The following ECEL1 variants were observed in gnomAD, a reference collection of about 807,000 sequenced individuals.
ECEL1 encodes endothelin converting enzyme like 1.
Under a neutral mutation model 101.8 loss-of-function variants are expected in ECEL1, and 87 were observed. That is an observed-to-expected ratio of 0.85 (90% CI 0.72 to 1.02). The LOEUF is 1.02. Ranked by LOEUF, ECEL1 falls within the 50% of genes least tolerant of loss-of-function variation. The pLI, the probability that ECEL1 is intolerant of heterozygous loss-of-function variation, is 0.00. For missense variants in ECEL1, 1,032 were observed against 1,079.2 expected, an observed-to-expected ratio of 0.96 and a Z score of 0.61; for synonymous variants, 487 against 468.7, an observed-to-expected ratio of 1.04 and a Z score of -0.50.
intron 16 of ECEL1, 100 bp downstream of exon 16, chr2:232,480,618 A>G (rs1473070777): frequency 5.0e-5 from 75 of 1,502,042 alleles, no homozygotes; most frequent in Non-Finnish European, 6.6e-5. Context: ...GATGACAGAC[A>G]GGCTGTCCAT....
intron 12 of ECEL1, 72 bp from the exon 13 acceptor site, chr2:232,481,921 C>CAT: frequency 1.3e-6 from 2 of 1,597,150 alleles, no homozygotes. Flanking sequence ...GCCCAGGCCC[C>CAT]AGATGTCCCC....
chr2:232,484,402 A>C, intron 6 of ECEL1, 70 bp downstream of exon 6: 1 of 1,595,226 alleles, frequency 6.3e-7, no homozygotes. Flanking sequence ...CCCACCCAGC[A>C]GAGAGGTCCA....
chr2:232,481,939 G>A, intron 12 of ECEL1, 90 bp from the exon 13 acceptor site: 1 of 1,570,556 alleles, frequency 6.4e-7, no homozygotes, highest in South Asian at 1.1e-5. Flanking sequence ...CCCTGGCCGG[G>A]CCAGGAGGTG....
intron 1 of ECEL1, among the ~76,000 whole-genome samples, 196 bp downstream of exon 1, chr2:232,487,523 G>A (rs1559278384): frequency 6.6e-6 from 1 of 151,988 alleles, no homozygotes; most frequent in Non-Finnish European, 1.5e-5. Flanking sequence ...GCTGGCTGGC[G>A]ACCCCCGAGC....
At chr2:232,483,904 G>A in intron 7 of ECEL1, 97 bp downstream of exon 7, 2 of 1,342,534 alleles carry the variant, frequency 1.5e-6, no homozygotes, top group Non-Finnish European at 2.0e-6. Context: ...CCTGCCTGCA[G>A]GGGACATGTG....
intron 12 of ECEL1, among the ~76,000 whole-genome samples, chr2:232,482,129 G>A (rs372484544): frequency 6.6e-6 from 1 of 152,236 alleles, no homozygotes; most frequent in Admixed American, 6.5e-5. Context: ...AGGCACCTAC[G>A]TAGGGGTTTC....
Position 232,486,620 on chromosome 2 carries a change from C to A in ECEL1, c.34G>T (p.Asp12Tyr). The A allele has an allele frequency of 6.6e-7, 1 of 1,525,810 alleles. No individual in the cohort carries two copies. The highest frequency in any genetic ancestry group is 8.7e-7 in the Non-Finnish European group (1 of 1,147,228). The allele number at this position is 1,525,810 out of a possible 1,614,324, so 94.5% of individuals were successfully genotyped here. A position where few individuals can be genotyped will look rare whatever the true frequency, so the allele number is the denominator to read the frequency against. ...EPPYSLTAHY[D>Y]EFQEVKYVSR... ...ACGTACTTGACCTCTTGGAACTCAT[C>A]GTAGTGCGCCGTCAGCGAATACGGG... Residue 12 changes from aspartate (D) to tyrosine (Y), a missense_variant, in exon 2 of 18, where the codon GAT becomes TAT. Physicochemically the swap from Asp to Tyr is radical, Grantham distance 160. Transcript: ENST00000304546.
chr2:232,484,530 G>A lies in ECEL1; in HGVS notation c.1126C>T (p.Leu376=), dbSNP rs773142106. The change falls in exon 6 of 18, where the codon CTG becomes TTG. Residue 376 remains leucine, a synonymous_variant. Transcript: ENST00000304546. ...EDFSEEEEVV[L]LATDYMQQVS... ...TGCTGCATGTAGTCTGTCGCCAGCA[G>A]CACCACCTCCTCTTCCTCTGAGAAG... The A allele has an allele frequency of 1.2e-6, 2 of 1,613,938 alleles. No individual in the cohort carries two copies. Among genetic ancestry groups the A allele is most frequent in the African/African-American group, 1.3e-5 (1 of 75,052 alleles).
At chr2:232,484,327 C>T (rs1003379745) in intron 6 of ECEL1, 104 bp from the exon 7 acceptor site, 16 of 1,558,300 alleles carry the variant, frequency 1.0e-5, no homozygotes, top group Non-Finnish European at 1.4e-5. Context: ...GGACCCAGGA[C>T]CCAGACAGCC....
At chr2:232,480,558 G>GCTA (rs1690551838) in intron 16 of ECEL1, 83 bp from the exon 17 acceptor site, 1 of 1,568,366 alleles carries the variant, frequency 6.4e-7, no homozygotes, top group African/African-American at 1.4e-5. Context: ...AGCACACAAG[G>GCTA]CGGTAGGCCC....
In ECEL1 at chr2:232,480,953, C is replaced by T. The variant is rs536881699; in HGVS notation, c.2055+138G>A. ...TCCTTCCTCTTCCAGTGGACCGTGG[C>T]CCCAGCACATGCCCTGCCCCACCCC... On this transcript the variant is annotated intron_variant, in intron 15 of 17. Transcript: ENST00000304546. The T allele has an allele frequency of 5.3e-5, 72 of 1,357,434 alleles. 1 individual carries two copies. Among genetic ancestry groups the T allele is most frequent in the African/African-American group, 3.6e-4 (25 of 69,302 alleles). The allele number at this position is 1,357,434 out of a possible 1,614,324, so 84.1% of individuals were successfully genotyped here.
intron 7 of ECEL1, among the ~76,000 whole-genome samples, chr2:232,483,721 C>T (rs887352969): frequency 6.6e-6 from 1 of 152,234 alleles, no homozygotes; most frequent in African/African-American, 2.4e-5. Context: ...CAGCAATGAC[C>T]ACAGACATCC....
Position 232,482,875 on chromosome 2 carries a change from ATCT to A in ECEL1, c.1658_1660del (p.Lys553del), listed in dbSNP as rs768420513. 6.2e-7 allele frequency: 1 copy of A among 1,614,146 alleles called. No individual in the cohort carries two copies. The highest frequency in any genetic ancestry group is 1.1e-5 in the South Asian group (1 of 91,080). ...CGTGGACTTGTCCACCTCCTGCCGAATCTTCTTAACTGAGAGCTGGATGCTGAA... is the reference window on the plus strand; with the variant it reads ...CGTGGACTTGTCCACCTCCTGCCGAATCTTAACTGAGAGCTGGATGCTGAA... On this transcript the variant is annotated inframe_deletion, in exon 10 of 18. Coordinates refer to ENST00000304546, the MANE Select transcript of ECEL1 (RefSeq NM_004826.4).
chr2:232,484,629 G>C, intron 5 of ECEL1, 33 bp from the exon 6 acceptor site: 1 of 1,611,606 alleles, frequency 6.2e-7, no homozygotes, highest in Non-Finnish European at 8.5e-7. Flanking sequence ...AGTGAGGCTA[G>C]GGTTGGCAGG....
At position 232,486,398 on chromosome 2, in the gene ECEL1, C is replaced by G; in HGVS notation, c.256G>C (p.Gly86Arg). The change falls in exon 2 of 18, where the codon GGC becomes CGC. Residue 86 changes from glycine (G) to arginine (R), a missense_variant. Coordinates refer to ENST00000304546, the MANE Select transcript of ECEL1 (RefSeq NM_004826.4). Reference sequence around the variant, plus strand: ...GCGCCGCCGCCGGCCGCGACCGGGCCCAGGTACTTGAGGGCCAGCATAGCC... The same window carrying G: ...GCGCCGCCGCCGGCCGCGACCGGGCGCAGGTACTTGAGGGCCAGCATAGCC... Reference protein sequence around the residue: ...LAAMLALKYLGPVAAGGGACP... With the variant: ...LAAMLALKYLRPVAAGGGACP... 6.8e-7 allele frequency: 1 copy of G among 1,478,712 alleles called. No homozygotes were observed. The highest frequency in any genetic ancestry group is 1.3e-5 in the South Asian group (1 of 76,378). 91.6% of individuals were successfully genotyped at this position (1,478,712 alleles called of 1,614,324 possible). A position where few individuals can be genotyped will look rare whatever the true frequency, so the allele number is the denominator to read the frequency against.
intron 15 of ECEL1, 52 bp from the exon 16 acceptor site, chr2:232,480,865 C>A: frequency 6.5e-7 from 1 of 1,533,254 alleles, no homozygotes; most frequent in South Asian, 1.2e-5. Flanking sequence ...CTGGGCACCG[C>A]TTCTTCTCTG....
At chr2:232,483,903 A>G in intron 7 of ECEL1, 98 bp downstream of exon 7, 1 of 1,331,078 alleles carries the variant, frequency 7.5e-7, no homozygotes, top group Non-Finnish European at 1.0e-6. Context: ...CCCTGCCTGC[A>G]GGGGACATGT....
rs776343913 is a variant in ECEL1, at chr2:232,480,284, G to A, written c.2229-32C>T. On this transcript the variant is annotated intron_variant, in intron 17 of 17. Transcript: ENST00000304546. ...TGGGGAGAGACCCACACAGTGTTGG[G>A]CCCTGCAGCCACTCCAGCCCCAGCA... 5 of 1,611,682 alleles carry A rather than the reference G, an allele frequency of 3.1e-6. No individual in the cohort carries two copies. In the South Asian group the frequency reaches 3.3e-5, roughly 11 times the overall value.
At position 232,480,122 on chromosome 2, in the gene ECEL1, G is replaced by C; in HGVS notation, c.*31C>G. The C allele has an allele frequency of 2.5e-6, 4 of 1,605,768 alleles. No homozygotes were observed. The highest frequency in any genetic ancestry group is 3.4e-6 in the Non-Finnish European group (4 of 1,173,318). ...CCAGCAGGAGGTGATTCGTGCGGGG[G>C]CAGTGGGGGCGTGCAGGCGGGCAGC... On this transcript the variant is annotated 3_prime_UTR_variant, in exon 18 of 18. Coordinates refer to ENST00000304546, the MANE Select transcript of ECEL1 (RefSeq NM_004826.4).
Sources: gnomAD v4.1 joint callset for allele counts (sites outside exome capture counted in the v4.1 genomes callset) on GRCh38, gnomAD v4.1.1 for gene constraint, MANE v1.5 for transcripts, NCBI Gene and HGNC (gene_info 2026-07-23, HGNC 2026-07-21) for gene names.